Variants in POU6F2 observed in about 807,000 individuals in gnomAD.
The protein encoded by POU6F2 is POU domain, class 6, transcription factor 2.
In POU6F2, 31 loss-of-function variants were observed where a neutral mutation model predicts 71.3. The observed-to-expected ratio is 0.43, with a 90% confidence interval of 0.33 to 0.59. POU6F2 has a LOEUF of 0.59. Ranked by LOEUF, POU6F2 falls within the 20% of genes least tolerant of loss-of-function variation. The pLI, the probability that POU6F2 is intolerant of heterozygous loss-of-function variation, is 0.04. For missense variants in POU6F2, 783 were observed against 856.8 expected (o/e 0.91, Z 1.07); for synonymous variants, 347 against 355.7 (o/e 0.98, Z 0.27).
chr7:39,306,171 G>A (rs1258731158), intron 4 of POU6F2, among the ~76,000 whole-genome samples: 1 of 152,178 alleles, frequency 6.6e-6, no homozygotes, highest in African/African-American at 2.4e-5. Flanking sequence ...ATCAAGAACT[G>A]CCAGCCTGTC....
At chr7:39,463,375 C>T (rs1788992213) in intron 9 of POU6F2, among the ~76,000 whole-genome samples, 1 of 152,184 alleles carries the variant, frequency 6.6e-6, no homozygotes, top group Non-Finnish European at 1.5e-5. Flanking sequence ...ACACATTAAA[C>T]ACAGCTTGGT....
At chr7:39,000,491 C>G (rs1308373338) in intron 1 of POU6F2, among the ~76,000 whole-genome samples, 1 of 151,144 alleles carries the variant, frequency 6.6e-6, no homozygotes, top group Non-Finnish European at 1.5e-5. Context: ...TTCATTTCTT[C>G]TACATCTCCA....
intron 4 of POU6F2, among the ~76,000 whole-genome samples, chr7:39,295,612 T>A (rs1354316275): frequency 6.6e-6 from 1 of 152,132 alleles, no homozygotes; most frequent in African/African-American, 2.4e-5. Context: ...TGAGACTCCG[T>A]CTCCAAAAAA....
chr7:39,404,816 T>G (rs2115887753), intron 5 of POU6F2: 1 of 152,210 alleles, frequency 6.6e-6, no homozygotes, highest in East Asian at 1.9e-4. Flanking sequence ...GAACACATTA[T>G]GAACTCTTCT....
At chr7:38,998,493 A>G (rs1282642402) in intron 1 of POU6F2, among the ~76,000 whole-genome samples, 3 of 152,240 alleles carry the variant, frequency 2.0e-5, no homozygotes, top group Non-Finnish European at 4.4e-5. Flanking sequence ...ATGTAGACGT[A>G]CAAATATTTT....
At chr7:39,118,802 C>T (rs4355688) in intron 2 of POU6F2, among the ~76,000 whole-genome samples, 37,180 of 152,014 alleles carry the variant, frequency 0.24, 5,252 homozygotes, top group East Asian at 0.56. Context: ...CCACACACAA[C>T]GAACATAAAA....
intron 3 of POU6F2, among the ~76,000 whole-genome samples, chr7:39,207,098 T>G (rs942370258): frequency 6.6e-6 from 1 of 152,216 alleles, no homozygotes; most frequent in African/African-American, 2.4e-5. Context: ...TATATGAAGA[T>G]AGGATCAAAT....
At chr7:39,451,774 GTC>G in intron 8 of POU6F2, 73 bp downstream of exon 8, 4 of 1,456,650 alleles carry the variant, frequency 2.7e-6, no homozygotes, top group Non-Finnish European at 3.8e-6. Flanking sequence ...CTTCCTTCTT[GTC>G]TCTCTCTCAC....
intron 7 of POU6F2, among the ~76,000 whole-genome samples, chr7:39,440,792 A>G (rs1039360346): frequency 1.3e-5 from 2 of 152,030 alleles, no homozygotes; most frequent in South Asian, 2.1e-4. Flanking sequence ...GCATTTTTTC[A>G]TTGATTCTTT....
chr7:39,026,443 C>T, intron 1 of POU6F2, among the ~76,000 whole-genome samples: 1 of 152,040 alleles, frequency 6.6e-6, no homozygotes, highest in East Asian at 1.9e-4. Flanking sequence ...AGTTCATGTC[C>T]TTTGTAGGGA....
chr7:39,095,892 A>G (rs1394985651), intron 2 of POU6F2, among the ~76,000 whole-genome samples: 1 of 152,214 alleles, frequency 6.6e-6, no homozygotes, highest in East Asian at 1.9e-4. Flanking sequence ...CTACTTAGAA[A>G]TAAGCATTTT....
Position 39,311,352 on chromosome 7 carries a change from C to T in POU6F2, c.599-28290C>T, listed in dbSNP as rs1785161653. On this transcript the variant is annotated intron_variant, in intron 4 of 9. Coordinates refer to ENST00000518318, the MANE Select transcript of POU6F2 (RefSeq NM_001370959.1). ...AAAACTCTCCTGTGGTGACCCATTG[C>T]ACTTCTCATCACCTCACCCTGCCAC... is the stretch of plus-strand genomic sequence containing the variant. Among the ~76,000 whole-genome samples the T allele has an allele frequency of 2.6e-5, 4 of 151,912 alleles. 1 individual carries two copies. The highest frequency in any genetic ancestry group is 4.2e-4 in the South Asian group (2 of 4,808).
At chr7:39,245,673 T>C (rs537841585) in intron 4 of POU6F2, among the ~76,000 whole-genome samples, 1 of 152,316 alleles carries the variant, frequency 6.6e-6, no homozygotes, top group South Asian at 2.1e-4. Flanking sequence ...AACTTAGTTT[T>C]TGCATGAAAT....
chr7:39,373,806 A>G (rs1390600099), intron 5 of POU6F2: 1 of 243,140 alleles, frequency 4.1e-6, no homozygotes, highest in Non-Finnish European at 8.4e-6. Context: ...TGTCCTCTAT[A>G]ATGCCCATAC....
At chr7:39,029,623 A>G (rs970372624) in intron 1 of POU6F2, among the ~76,000 whole-genome samples, 37 of 145,182 alleles carry the variant, frequency 2.5e-4, no homozygotes, top group African/African-American at 9.2e-4. Flanking sequence ...CTTGTATCCT[A>G]TAAAATGTAT....
chr7:39,437,171 G>A (rs1275383435), intron 7 of POU6F2, among the ~76,000 whole-genome samples: 1 of 152,172 alleles, frequency 6.6e-6, no homozygotes, highest in Non-Finnish European at 1.5e-5. Flanking sequence ...CTTTTCAATT[G>A]TTTGGAATAG....
intron 5 of POU6F2, among the ~76,000 whole-genome samples, chr7:39,402,740 T>A (rs1317989829): frequency 1.3e-5 from 2 of 152,122 alleles, no homozygotes; most frequent in African/African-American, 2.4e-5. Context: ...TACTCTAAAA[T>A]ACTTTTACAC....
At chr7:39,346,195 G>A (rs1033141797) in intron 5 of POU6F2, among the ~76,000 whole-genome samples, 2 of 152,212 alleles carry the variant, frequency 1.3e-5, no homozygotes, top group Non-Finnish European at 2.9e-5. Context: ...ATTGCTTTGA[G>A]AGTGGCAGGG....
intron 1 of POU6F2, among the ~76,000 whole-genome samples, chr7:39,056,636 C>G (rs558767164): frequency 6.7e-6 from 1 of 148,410 alleles, no homozygotes; most frequent in South Asian, 2.2e-4. Flanking sequence ...TTGTTTCTCT[C>G]TCTTTCTCTT....
Sources: gnomAD v4.1 joint callset for allele counts (sites outside exome capture counted in the v4.1 genomes callset) on GRCh38, gnomAD v4.1.1 for gene constraint, MANE v1.5 for transcripts, NCBI Gene and HGNC (gene_info 2026-07-23, HGNC 2026-07-21) for gene names.